VPS13B: variants seen among roughly 807,000 people sequenced by gnomAD.
VPS13B encodes the protein intermembrane lipid transfer protein VPS13B.
Under a neutral mutation model 426.4 loss-of-function variants are expected in VPS13B, and 285 were observed. That is an observed-to-expected ratio of 0.67 (90% confidence interval 0.61 to 0.74). The LOEUF (loss-of-function observed/expected upper bound fraction) is 0.74. Among genes scored for constraint, VPS13B ranks in the 30% least tolerant of loss-of-function variants. The pLI is 0.00. For missense variants in VPS13B, 4,537 were observed against 4,782.6 expected, an observed-to-expected ratio of 0.95 and a Z score of 1.51; for synonymous variants, 1,676 against 1,676.4, an observed-to-expected ratio of 1.00 and a Z score of 0.01.
chr8:99,817,772 C>G lies in VPS13B; in HGVS notation c.8330C>G (p.Ser2777Cys). 1 of 1,614,048 alleles carries G rather than the reference C, an allele frequency of 6.2e-7. No homozygotes were observed. The highest frequency in any genetic ancestry group is 8.5e-7 in the Non-Finnish European group (1 of 1,179,980). Reference sequence around the variant, plus strand: ...TGGTCAAGAGATGTGTGCCTGGAATCCAAAGCCCCTGAGTACAGCATTGTC... The same window carrying G: ...TGGTCAAGAGATGTGTGCCTGGAATGCAAAGCCCCTGAGTACAGCATTGTC... ...EDWSRDVCLE[S>C]KAPEYSIVIQ... is the part of the protein sequence containing the mutation. Residue 2777 changes from serine (S) to cysteine (C), a missense_variant, in exon 45 of 62, where the codon TCC becomes TGC. Coordinates refer to ENST00000357162, the MANE Select transcript of VPS13B (RefSeq NM_152564.5).
At chr8:99,351,431 A>AGT (rs1476078907) in intron 19 of VPS13B, among the ~76,000 whole-genome samples, 5,538 of 147,484 alleles carry the variant, frequency 0.038, 118 homozygotes, top group African/African-American at 0.058. Flanking sequence ...AGAGAGAGAG[A>AGT]GAGAGTGTGT....
intron 21 of VPS13B, among the ~76,000 whole-genome samples, chr8:99,414,833 C>G (rs1171108733): frequency 6.6e-6 from 1 of 152,186 alleles, no homozygotes; most frequent in African/African-American, 2.4e-5. Context: ...CGAACTTTCT[C>G]TCTGGCTTCC....
intron 25 of VPS13B, among the ~76,000 whole-genome samples, chr8:99,497,825 C>G (rs146203844): frequency 3.6e-4 from 55 of 152,110 alleles, no homozygotes; most frequent in African/African-American, 1.3e-3. Flanking sequence ...TTTAAAATTT[C>G]TTGTAATTGT....
intron 2 of VPS13B, among the ~76,000 whole-genome samples, chr8:99,018,593 C>G (rs1422787034): frequency 1.3e-5 from 2 of 152,078 alleles, no homozygotes; most frequent in Non-Finnish European, 2.9e-5. Context: ...TCTTTTATTT[C>G]ATTTCATTTC....
At chr8:99,405,384 C>A (rs1371089058) in intron 21 of VPS13B, among the ~76,000 whole-genome samples, 1 of 152,198 alleles carries the variant, frequency 6.6e-6, no homozygotes, top group Non-Finnish European at 1.5e-5. Context: ...CTTTCCTGTC[C>A]ATTCCACTTC....
chr8:99,236,783 G>A (rs1388064684), intron 17 of VPS13B, among the ~76,000 whole-genome samples: 3 of 152,146 alleles, frequency 2.0e-5, no homozygotes, highest in African/African-American at 7.2e-5. Context: ...GGAGAAAAAA[G>A]AGGCATTGCT....
intron 19 of VPS13B, among the ~76,000 whole-genome samples, chr8:99,356,668 T>C (rs961627061): frequency 3.9e-5 from 6 of 152,130 alleles, no homozygotes; most frequent in African/African-American, 1.4e-4. Flanking sequence ...CAAACAAGTA[T>C]CTTTACCATT....
intron 19 of VPS13B, among the ~76,000 whole-genome samples, chr8:99,352,360 T>A (rs1450879119): frequency 6.6e-6 from 1 of 152,214 alleles, no homozygotes; most frequent in Non-Finnish European, 1.5e-5. Flanking sequence ...GTTCCATCAC[T>A]TTGTTCCTAG....
chr8:99,236,917 C>T lies in VPS13B; in HGVS notation c.2516-37281C>T, dbSNP rs1283275534. Among the ~76,000 whole-genome samples the T allele has an allele frequency of 2.0e-5, 3 of 152,292 alleles. No homozygotes were observed. The East Asian group carries it at 5.8e-4, about 29-fold the overall frequency. Reference sequence around the variant, plus strand: ...CACATCTGATAGGGTTTAGCTGTGTCCCCACCCAGATCTCATCTTGAATTC... The same window carrying T: ...CACATCTGATAGGGTTTAGCTGTGTTCCCACCCAGATCTCATCTTGAATTC... On this transcript the variant is annotated intron_variant, in intron 17 of 61. Coordinates refer to ENST00000357162, the MANE Select transcript of VPS13B (RefSeq NM_152564.5).
chr8:99,708,706 GGCATCTTTTACA>G (rs1246080350), intron 36 of VPS13B, among the ~76,000 whole-genome samples: 2 of 151,982 alleles, frequency 1.3e-5, no homozygotes, highest in African/African-American at 4.8e-5. Context: ...GGGGAATACT[GGCATCTTTTACA>G]GCTTAAATGT....
intron 19 of VPS13B, among the ~76,000 whole-genome samples, chr8:99,350,798 GT>G (rs1811837478): frequency 6.6e-6 from 1 of 151,370 alleles, no homozygotes; most frequent in African/African-American, 2.4e-5. Context: ...ATTATAATAT[GT>G]ATATATAATA....
At position 99,817,409 on chromosome 8, in the gene VPS13B, G is replaced by T. The variant is rs1814104955; in HGVS notation, c.8098-131G>T. ...TGACTTCAAGTCTTTTTTCCTTCTT[G>T]TACTGTTTAAGCTAATTACTTCATT... On this transcript the variant is annotated intron_variant, in intron 44 of 61. Transcript: ENST00000357162. 4.1e-6 allele frequency: 5 copies of T among 1,230,416 alleles called. No homozygotes were observed. The Admixed American group carries it at 6.9e-5, about 17-fold the overall frequency. 76.2% of individuals were successfully genotyped at this position (1,230,416 alleles called of 1,614,324 possible).
chr8:99,475,927 T>C (rs1048015936), intron 24 of VPS13B, among the ~76,000 whole-genome samples: 6 of 152,264 alleles, frequency 3.9e-5, no homozygotes, highest in African/African-American at 1.4e-4. Flanking sequence ...TATGTAATTC[T>C]ACTTTATAAA....
chr8:99,698,369 C>T (rs1229449170), intron 35 of VPS13B, among the ~76,000 whole-genome samples: 1 of 152,132 alleles, frequency 6.6e-6, no homozygotes, highest in Non-Finnish European at 1.5e-5. Flanking sequence ...ATGAGGACCA[C>T]GCGGACTCTG....
intron 59 of VPS13B, among the ~76,000 whole-genome samples, chr8:99,869,189 T>C (rs1022066354): frequency 2.6e-5 from 4 of 152,232 alleles, no homozygotes; most frequent in African/African-American, 9.6e-5. Context: ...TTACCTAAAA[T>C]TGGTGTCATC....
At chr8:99,025,354 G>A (rs1842081986) in intron 2 of VPS13B, among the ~76,000 whole-genome samples, 1 of 152,138 alleles carries the variant, frequency 6.6e-6, no homozygotes, top group African/African-American at 2.4e-5. Context: ...TGGGCATTTT[G>A]TCTTTTTCCA....
chr8:99,358,920 G>A (rs1324487272), intron 19 of VPS13B, among the ~76,000 whole-genome samples: 3 of 152,260 alleles, frequency 2.0e-5, no homozygotes, highest in African/African-American at 2.4e-5. Flanking sequence ...AAGGTTTTAC[G>A]TGTAAGATCT....
chr8:99,714,657 C>T lies in VPS13B; in HGVS notation c.6455-2514C>T, dbSNP rs146039427. On this transcript the variant is annotated intron_variant, in intron 36 of 61. Coordinates refer to ENST00000357162, the MANE Select transcript of VPS13B (RefSeq NM_152564.5). ...ATTGGTATCACATACACCAATATGA[C>T]GCACTAAGGGGGTCACTTTGGTGGT... is the stretch of plus-strand genomic sequence containing the variant. Among the ~76,000 whole-genome samples the T allele has an allele frequency of 2.1e-3, 313 of 152,224 alleles. 5 individuals carry two copies. The East Asian group carries it at 0.027, about 13-fold the overall frequency.
At position 99,418,893 on chromosome 8, in the gene VPS13B, A is replaced by C. The variant is rs1816224528; in HGVS notation, c.3083-12644A>C. Among the ~76,000 whole-genome samples the C allele has an allele frequency of 1.3e-5, 2 of 152,234 alleles. 1 individual carries two copies. Among genetic ancestry groups the C allele is most frequent in the South Asian group, 4.1e-4 (2 of 4,836 alleles). ...TCTTCTAGATGGCTTGGTGTTCACC[A>C]GTTAGTCTTAAGCTTTCTGCAAACT... On this transcript the variant is annotated intron_variant, in intron 21 of 61. Coordinates refer to ENST00000357162, the MANE Select transcript of VPS13B (RefSeq NM_152564.5).
Sources: gnomAD v4.1 joint callset for allele counts (sites outside exome capture counted in the v4.1 genomes callset) on GRCh38, gnomAD v4.1.1 for gene constraint, MANE v1.5 for transcripts, NCBI Gene and HGNC (gene_info 2026-07-23, HGNC 2026-07-21) for gene names.